Variants in GIMAP8 observed in about 807,000 individuals in gnomAD.
GIMAP8 encodes GTPase IMAP family member 8.
A neutral mutation model predicts 35.6 loss-of-function variants in GIMAP8; 29 were observed. That is an observed-to-expected ratio of 0.81 (90% CI 0.61 to 1.11). The LOEUF (loss-of-function observed/expected upper bound fraction) is 1.11. Ranked by LOEUF, GIMAP8 falls within the 50% of genes most tolerant of loss-of-function variation. The pLI, the probability that GIMAP8 is intolerant of heterozygous loss-of-function variation, is 0.00. For missense variants in GIMAP8, 811 were observed against 805.0 expected (o/e 1.01, Z -0.09); for synonymous variants, 335 against 308.7 (o/e 1.09, Z -0.89).
chr7:150,470,939 A>G lies in GIMAP8; in HGVS notation c.682+65A>G. 2.5e-6 allele frequency: 3 copies of G among 1,191,676 alleles called. No homozygotes were observed. The South Asian group carries it at 3.7e-5, about 15-fold the overall frequency. 73.8% of individuals were successfully genotyped at this position (1,191,676 alleles called of 1,614,324 possible). A position where few individuals can be genotyped will look rare whatever the true frequency, so the allele number is the denominator to read the frequency against. On this transcript the variant is annotated intron_variant, in intron 3 of 4. Transcript: ENST00000307271. ...TTCTTTTGAATGCATTCTGCAGCCA[A>G]AGTGAAGCGGAAACATTATCCATAT...
Position 150,466,962 on chromosome 7 carries a change from G to C in GIMAP8, c.264G>C (p.Glu88Asp). 1 of 1,614,208 alleles carries C rather than the reference G, an allele frequency of 6.2e-7. No homozygotes were observed. Among genetic ancestry groups the C allele is most frequent in the Non-Finnish European group, 8.5e-7 (1 of 1,180,036 alleles). Residue 88 changes from glutamate to aspartate, a missense_variant, in exon 2 of 5, where the codon GAG becomes GAC. Glu to Asp is a conservative substitution (Grantham distance 45, BLOSUM62 2). Transcript: ENST00000307271. Reference protein sequence around the residue: ...DKQRNIQHCLELSAPSLHALL... With the variant: ...DKQRNIQHCLDLSAPSLHALL... ...AACGCAACATCCAACACTGCTTGGA[G>C]CTCTCTGCTCCCAGCCTCCATGCTC...
At chr7:150,452,342 C>T (rs903586530) in intron 1 of GIMAP8, among the ~76,000 whole-genome samples, 1 of 149,874 alleles carries the variant, frequency 6.7e-6, no homozygotes, top group African/African-American at 2.5e-5. Context: ...TGTGTAGGTC[C>T]TGACATCATG....
At chr7:150,463,217 T>C (rs761225665) in intron 1 of GIMAP8, among the ~76,000 whole-genome samples, 7 of 152,134 alleles carry the variant, frequency 4.6e-5, no homozygotes, top group Non-Finnish European at 8.8e-5. Context: ...ATCTCTTTAT[T>C]GAATTTCTCA....
rs1801606435 is a variant in GIMAP8, at chr7:150,451,473, T to C, written c.-29+298T>C. ...CGTGTCTCCCCAGCCTGCTGGGGAG[T>C]AGATTCGGCAGGATGGGGACAGAGG... On this transcript the variant is annotated intron_variant, in intron 1 of 4. Coordinates refer to ENST00000307271, the MANE Select transcript of GIMAP8 (RefSeq NM_175571.4). The surrounding 1 kb of genome is among the most constrained non-coding windows in gnomAD (Gnocchi z 4.1). 6.6e-6 allele frequency among the ~76,000 whole-genome samples: 1 copy of C among 151,106 alleles called. No homozygotes were observed. The highest frequency in any genetic ancestry group is 6.6e-5 in the Admixed American group (1 of 15,134).
chr7:150,470,885 C>T lies in GIMAP8; in HGVS notation c.682+11C>T. Reference sequence around the variant, plus strand: ...GAGACAAGCCACAGGGTAAGTTGATCTTTAAGAAACATTAAGCTCACACTT... The same window carrying T: ...GAGACAAGCCACAGGGTAAGTTGATTTTTAAGAAACATTAAGCTCACACTT... On this transcript the variant is annotated intron_variant, in intron 3 of 4. Transcript: ENST00000307271. 6.4e-7 allele frequency: 1 copy of T among 1,561,846 alleles called. No individual in the cohort carries two copies. Among genetic ancestry groups the T allele is most frequent in the African/African-American group, 1.4e-5 (1 of 73,226 alleles).
chr7:150,471,548 T>C (rs1777799895), intron 3 of GIMAP8, among the ~76,000 whole-genome samples: 1 of 152,230 alleles, frequency 6.6e-6, no homozygotes, highest in Non-Finnish European at 1.5e-5. Context: ...CTAATAATTA[T>C]AGCTGAGGCC....
chr7:150,467,791 T>C (rs563424574), intron 2 of GIMAP8, among the ~76,000 whole-genome samples: 4 of 152,326 alleles, frequency 2.6e-5, no homozygotes, highest in African/African-American at 9.6e-5. Context: ...TCTTCTCAGA[T>C]GATCCCACAC....
Position 150,466,905 on chromosome 7 carries a change from T to C in GIMAP8, c.207T>C (p.Leu69=). The C allele has an allele frequency of 1.2e-6, 2 of 1,614,214 alleles. No individual in the cohort carries two copies. Among genetic ancestry groups the C allele is most frequent in the Non-Finnish European group, 1.7e-6 (2 of 1,180,024 alleles). The change falls in exon 2 of 5, where the codon CTT becomes CTC. Residue 69 remains leucine (L), a synonymous_variant. Coordinates refer to ENST00000307271, the MANE Select transcript of GIMAP8 (RefSeq NM_175571.4). ...RKVVVIDTPD[L]FSSIACAEDK... ...TTGTGGTAATTGACACCCCTGACCT[T>C]TTCTCCTCAATAGCTTGTGCTGAAG...
intron 1 of GIMAP8, among the ~76,000 whole-genome samples, chr7:150,455,101 G>A (rs1269985075): frequency 7.0e-6 from 1 of 142,842 alleles, no homozygotes; most frequent in Non-Finnish European, 1.5e-5. Context: ...TCGTGCCATT[G>A]CACTTCAGCC....
intron 1 of GIMAP8, among the ~76,000 whole-genome samples, chr7:150,452,740 CCAT>C (rs1563278649): frequency 7.8e-6 from 1 of 127,930 alleles, no homozygotes; most frequent in East Asian, 2.5e-4. Flanking sequence ...GCACCCACCA[CCAT>C]GCCTGGCTAA....
chr7:150,464,316 G>A (rs1283944000), intron 1 of GIMAP8, among the ~76,000 whole-genome samples: 5 of 152,142 alleles, frequency 3.3e-5, no homozygotes, highest in Non-Finnish European at 1.5e-5. Flanking sequence ...TAAGGACTAT[G>A]TTATTCTTAC....
At chr7:150,476,064 G>T (rs938891601) in intron 4 of GIMAP8, among the ~76,000 whole-genome samples, 1 of 152,196 alleles carries the variant, frequency 6.6e-6, no homozygotes, top group Non-Finnish European at 1.5e-5. Flanking sequence ...ACCCTCTGTA[G>T]GTACAGAAGT....
Position 150,466,669 on chromosome 7 carries a change from A to G in GIMAP8, c.-28-2A>G, listed in dbSNP as rs763932988. On this transcript the variant is annotated splice_acceptor_variant, in intron 1 of 4. Transcript: ENST00000307271. LOFTEE classifies it low-confidence loss of function (5UTR_SPLICE). ...TTAATGTGTTGTTTTCTGTCCCAAC[A>G]GAACAAGCGGGAGCCTGTGTCAGGA... 10 of 1,605,954 alleles carry G rather than the reference A, an allele frequency of 6.2e-6. No homozygotes were observed. Among genetic ancestry groups the G allele is most frequent in the Non-Finnish European group, 8.5e-6 (10 of 1,175,560 alleles).
In GIMAP8 at chr7:150,472,164, G is replaced by C. The variant is rs1001387337; in HGVS notation, c.682+1290G>C. Reference sequence around the variant, plus strand: ...GCCCAGCACACCATGGGGAGTCACAGGGCTGTCAGAAACAGGGGGCAGGGA... The same window carrying C: ...GCCCAGCACACCATGGGGAGTCACACGGCTGTCAGAAACAGGGGGCAGGGA... On this transcript the variant is annotated intron_variant, in intron 3 of 4. Transcript: ENST00000307271. This position sits in a 1 kb window ranked among gnomAD's most constrained non-coding sequence, Gnocchi z 4.1. 3.0e-4 allele frequency among the ~76,000 whole-genome samples: 45 copies of C among 152,322 alleles called. No homozygotes were observed. The highest frequency in any genetic ancestry group is 4.9e-4 in the Non-Finnish European group (33 of 68,022).
At chr7:150,454,508 C>G (rs1008692080) in intron 1 of GIMAP8, among the ~76,000 whole-genome samples, 2 of 152,104 alleles carry the variant, frequency 1.3e-5, no homozygotes, top group Non-Finnish European at 2.9e-5. Flanking sequence ...TAGGAACGTT[C>G]CAGGCAGACA....
chr7:150,477,252 G>A lies in GIMAP8; in HGVS notation c.1470G>A (p.Val490=). The change falls in exon 5 of 5, where the codon GTG becomes GTA. Residue 490 remains valine (V), a synonymous_variant. Coordinates refer to ENST00000307271, the MANE Select transcript of GIMAP8 (RefSeq NM_175571.4). The stretch of plus-strand genomic sequence containing the variant: ...GGACATGGGACGGACAGGAGGTGGT[G>A]GTTGTGGACACTCCTTCCTTCAACC... The part of the protein sequence containing the change: ...GRRTWDGQEV[V]VVDTPSFNQM... The A allele has an allele frequency of 6.2e-7, 1 of 1,614,096 alleles. No individual in the cohort carries two copies. Among genetic ancestry groups the A allele is most frequent in the Non-Finnish European group, 8.5e-7 (1 of 1,180,018 alleles).
intron 1 of GIMAP8, among the ~76,000 whole-genome samples, chr7:150,458,269 G>A (rs183809872): frequency 1.1e-4 from 16 of 152,304 alleles, no homozygotes; most frequent in African/African-American, 3.6e-4. Context: ...AAGAATTGCA[G>A]TTTAGGTCCA....
In GIMAP8 at chr7:150,477,550, A is replaced by T. The variant is rs1351937551; in HGVS notation, c.1768A>T (p.Ile590Phe). Reference protein sequence around the residue: ...KNSDNKALRRIFKKCGRRVCA... With the variant: ...KNSDNKALRRFFKKCGRRVCA... ...CTCAGATAACAAAGCCCTTCGGCGC[A>T]TTTTTAAAAAGTGTGGGCGGCGAGT... Residue 590 changes from isoleucine (I) to phenylalanine (F), a missense_variant, in exon 5 of 5, where the codon ATT becomes TTT. Transcript: ENST00000307271. 1 of 1,614,166 alleles carries T rather than the reference A, an allele frequency of 6.2e-7. No individual in the cohort carries two copies. The highest frequency in any genetic ancestry group is 1.1e-5 in the South Asian group (1 of 91,088).
rs911725716 is a variant in GIMAP8, at chr7:150,457,112, C to T, written c.-29+5937C>T. On this transcript the variant is annotated intron_variant, in intron 1 of 4. Coordinates refer to ENST00000307271, the MANE Select transcript of GIMAP8 (RefSeq NM_175571.4). ...CCCACCTATTTATTGACAGTAATCC[C>T]GTGATAAATATCTTTTCTGCAGTTT... Among the ~76,000 whole-genome samples, 6 of 152,296 alleles carry T rather than the reference C, an allele frequency of 3.9e-5. No homozygotes were observed. The Middle Eastern group carries it at 0.01, about 259-fold the overall frequency.
Sources: gnomAD v4.1 joint callset for allele counts (sites outside exome capture counted in the v4.1 genomes callset) on GRCh38, gnomAD v4.1.1 for gene constraint, Gnocchi (gnomAD v3.1) non-coding constraint, MANE v1.5 for transcripts, NCBI Gene and HGNC (gene_info 2026-07-23, HGNC 2026-07-21) for gene names.